KHDRBS2: variants seen among roughly 807,000 people sequenced by gnomAD.
KHDRBS2 encodes the protein KH RNA binding domain containing, signal transduction associated 2, also known as KH domain-containing, RNA-binding, signal transduction-associated protein 2.
KHDRBS2 carries 26 observed loss-of-function variants against 44.3 expected under a neutral mutation model. That is an observed-to-expected ratio of 0.59 (90% CI 0.43 to 0.81). KHDRBS2 has a LOEUF of 0.81. KHDRBS2 is among the 40% of genes least tolerant of loss of function. The pLI, the probability that KHDRBS2 is intolerant of heterozygous loss-of-function variation, is 0.00. For missense variants in KHDRBS2, 476 were observed against 433.1 expected (o/e 1.10, Z -0.88); for synonymous variants, 194 against 151.1 (o/e 1.28, Z -2.08).
At chr6:62,240,672 GTATATATATA>G (rs4036655) in intron 1 of KHDRBS2, among the ~76,000 whole-genome samples, 826 of 64,152 alleles carry the variant, frequency 0.013, 18 homozygotes, top group East Asian at 0.031. Flanking sequence ...ATGTGTGTGT[GTATATATATA>G]TATATATATA....
chr6:62,084,129 G>T (rs1407217623), intron 2 of KHDRBS2, among the ~76,000 whole-genome samples: 1 of 152,090 alleles, frequency 6.6e-6, no homozygotes, highest in African/African-American at 2.4e-5. Context: ...ACGAGATATT[G>T]AATAATGGAG....
intron 5 of KHDRBS2, among the ~76,000 whole-genome samples, chr6:61,899,535 G>A (rs1158582495): frequency 6.6e-6 from 1 of 151,646 alleles, no homozygotes; most frequent in Non-Finnish European, 1.5e-5. Flanking sequence ...TAAAATCCAG[G>A]CCATAAAGCA....
chr6:62,279,959 T>C (rs1463413172), intron 1 of KHDRBS2, among the ~76,000 whole-genome samples: 2 of 152,160 alleles, frequency 1.3e-5, no homozygotes, highest in Non-Finnish European at 2.9e-5. Flanking sequence ...GAAAAAGACT[T>C]GGTTCTGCTC....
At chr6:61,575,298 G>A in the KHDRBS2 span, among the ~76,000 whole-genome samples, 1 of 152,080 alleles carries the variant, frequency 6.6e-6, no homozygotes, top group African/African-American at 2.4e-5. Flanking sequence ...CAAAAAGTGG[G>A]CAAAGGACAT....
intron 1 of KHDRBS2, among the ~76,000 whole-genome samples, chr6:62,246,883 A>ATAAT (rs1213690442): frequency 6.6e-6 from 1 of 152,086 alleles, no homozygotes; most frequent in Non-Finnish European, 1.5e-5. Context: ...GTAACATTGA[A>ATAAT]TAATTACCTG....
chr6:62,154,543 C>A (rs1815948852), intron 2 of KHDRBS2, among the ~76,000 whole-genome samples: 1 of 152,108 alleles, frequency 6.6e-6, no homozygotes, highest in Non-Finnish European at 1.5e-5. Flanking sequence ...AATCTCTGCT[C>A]ATTTTCTCTG....
the KHDRBS2 span, among the ~76,000 whole-genome samples, chr6:61,566,412 A>G: frequency 6.6e-6 from 1 of 152,158 alleles, no homozygotes; most frequent in East Asian, 1.9e-4. Context: ...CCCAACACAA[A>G]CAAATGATTA....
intron 1 of KHDRBS2, among the ~76,000 whole-genome samples, chr6:62,281,044 A>G (rs1289729436): frequency 1.3e-5 from 2 of 152,214 alleles, no homozygotes; most frequent in Non-Finnish European, 2.9e-5. Context: ...GTTTAAGATG[A>G]AGCCTGAATA....
intron 6 of KHDRBS2, among the ~76,000 whole-genome samples, chr6:61,770,981 G>A (rs920654590): frequency 1.3e-5 from 2 of 152,134 alleles, no homozygotes; most frequent in Admixed American, 6.6e-5. Context: ...GACTAACAGC[G>A]GATCTCTTGG....
At chr6:61,697,119 G>T in intron 8 of KHDRBS2, 76 bp downstream of exon 8, 2 of 975,644 alleles carry the variant, frequency 2.0e-6, no homozygotes, top group Non-Finnish European at 3.3e-6. Context: ...GGGGGAGAAA[G>T]ATGGAAATAA....
At chr6:62,026,756 T>A (rs1783420247) in intron 3 of KHDRBS2, among the ~76,000 whole-genome samples, 1 of 152,074 alleles carries the variant, frequency 6.6e-6, no homozygotes, top group Non-Finnish European at 1.5e-5. Flanking sequence ...AATAAAAAGT[T>A]ACTGGTTCAC....
At chr6:62,118,297 A>C (rs1806767033) in intron 2 of KHDRBS2, among the ~76,000 whole-genome samples, 1 of 152,078 alleles carries the variant, frequency 6.6e-6, no homozygotes, top group Non-Finnish European at 1.5e-5. Context: ...AGTTACTATA[A>C]GTTTGCAGTA....
intron 4 of KHDRBS2, among the ~76,000 whole-genome samples, chr6:61,961,028 G>GC (rs1250855978): frequency 6.6e-6 from 1 of 151,910 alleles, no homozygotes; most frequent in African/African-American, 2.4e-5. Context: ...TTTTTCCCTG[G>GC]CCCAGACTGA....
At chr6:61,908,430 C>T (rs533566494) in intron 4 of KHDRBS2, among the ~76,000 whole-genome samples, 6 of 151,672 alleles carry the variant, frequency 4.0e-5, no homozygotes, top group Non-Finnish European at 7.4e-5. Context: ...GTCAGGAGAT[C>T]GAGACCATCC....
chr6:61,848,438 T>C (rs1276825341), intron 6 of KHDRBS2, among the ~76,000 whole-genome samples: 1 of 134,108 alleles, frequency 7.5e-6, no homozygotes, highest in African/African-American at 2.8e-5. Flanking sequence ...AAGGAAATGC[T>C]CCAAAGGTTA....
the KHDRBS2 span, among the ~76,000 whole-genome samples, chr6:61,618,329 C>T: frequency 2.6e-5 from 4 of 152,000 alleles, no homozygotes; most frequent in African/African-American, 4.8e-5. Context: ...TTCTTTAGGC[C>T]GCATGCATGA....
intron 7 of KHDRBS2, 138 bp from the exon 8 acceptor site, chr6:61,697,391 A>C: frequency 1.6e-6 from 1 of 634,278 alleles, no homozygotes; most frequent in Non-Finnish European, 2.8e-6. Context: ...ATCCTAAATA[A>C]ATCTTCAGTA....
intron 1 of KHDRBS2, among the ~76,000 whole-genome samples, chr6:62,191,341 C>T (rs1308099436): frequency 1.3e-5 from 2 of 152,112 alleles, no homozygotes; most frequent in African/African-American, 4.8e-5. Flanking sequence ...AGTCCTTAGG[C>T]TTTTGCTGAT....
Position 61,982,624 on chromosome 6 carries a change from T to C in KHDRBS2, c.337-4412A>G, listed in dbSNP as rs1774083340. Among the ~76,000 whole-genome samples the C allele has an allele frequency of 2.0e-5, 3 of 147,888 alleles. No individual in the cohort carries two copies. The South Asian group carries it at 6.4e-4, about 32-fold the overall frequency. On this transcript the variant is annotated intron_variant, in intron 3 of 8. Coordinates refer to ENST00000281156, the MANE Select transcript of KHDRBS2 (RefSeq NM_152688.4). Reference sequence around the variant, plus strand: ...AGGTGGAGCTTCCAGTGAGCCGAGATGGTGCCACTGCACTCCAGCCTGGGC... The same window carrying C: ...AGGTGGAGCTTCCAGTGAGCCGAGACGGTGCCACTGCACTCCAGCCTGGGC...
Sources: allele counts gnomAD v4.1 joint callset (sites outside exome capture counted in the v4.1 genomes callset), GRCh38; gene constraint gnomAD v4.1.1; transcripts MANE v1.5; gene names NCBI Gene and HGNC (gene_info 2026-07-23, HGNC 2026-07-21).